SEC13: variants seen among roughly 807,000 people sequenced by gnomAD.
SEC13 encodes the protein protein SEC13 homolog.
In SEC13, 25 loss-of-function variants were observed where a neutral mutation model predicts 49.2. That is an observed-to-expected ratio of 0.51 (90% CI 0.37 to 0.71). The LOEUF (loss-of-function observed/expected upper bound fraction) is 0.71, where lower values mean the gene tolerates loss of function less well. Ranked by LOEUF, SEC13 falls within the 30% of genes least tolerant of loss-of-function variation. The probability of loss-of-function intolerance (pLI) is 0.00; values close to 1 mark genes in which losing one functional copy is unlikely to be tolerated. For missense variants in SEC13, 383 were observed against 417.6 expected (o/e 0.92, Z 0.72); for synonymous variants, 148 against 163.9 (o/e 0.90, Z 0.74).
intron 2 of SEC13, among the ~76,000 whole-genome samples, chr3:10,317,741 G>A (rs964841351): frequency 1.3e-5 from 2 of 152,092 alleles, no homozygotes; most frequent in Non-Finnish European, 2.9e-5. Context: ...TCAAGCCTCC[G>A]TACCCACTCA....
At position 10,305,590 on chromosome 3, in the gene SEC13, CTGATGCAAACCTCT is replaced by C; in HGVS notation, c.539_552del (p.Lys180ArgfsTer4). 3 of 1,614,172 alleles carry C rather than the reference CTGATGCAAACCTCT, an allele frequency of 1.9e-6. No homozygotes were observed. The highest frequency in any genetic ancestry group is 2.5e-6 in the Non-Finnish European group (3 of 1,180,032). ...AGCTTGATGAGGTTGTCACAGCCAC[CTGATGCAAACCTCT>C]TGATGTAATTGGGTTTCTGCCCCGA... is the stretch of plus-strand genomic sequence containing the variant. On this transcript the variant is annotated frameshift_variant, in exon 6 of 9. Coordinates refer to ENST00000350697, the MANE Select transcript of SEC13 (RefSeq NM_183352.3). LOFTEE classifies it high-confidence loss of function.
intron 2 of SEC13, among the ~76,000 whole-genome samples, chr3:10,317,779 T>C (rs569579191): frequency 6.6e-6 from 1 of 152,292 alleles, no homozygotes; most frequent in East Asian, 1.9e-4. Flanking sequence ...GGTTATTGTA[T>C]TGGCTGGAAG....
chr3:10,320,832 G>A lies in SEC13; in HGVS notation c.3+218C>T, dbSNP rs547275166. The A allele has an allele frequency of 2.3e-5, 30 of 1,320,730 alleles. No individual in the cohort carries two copies. The African/African-American group carries it at 4.3e-4, about 19-fold the overall frequency. The allele number at this position is 1,320,730 out of a possible 1,614,324, so 81.8% of individuals were successfully genotyped here. A position where few individuals can be genotyped will look rare whatever the true frequency, so the allele number is the denominator to read the frequency against. On this transcript the variant is annotated intron_variant, in intron 1 of 8. Transcript: ENST00000350697. Reference sequence around the variant, plus strand: ...GGAGACTGGCAGGAGACGCAGGAGCGGCGCGCCCCGCAAAGTCAGGGAGGT... The same window carrying A: ...GGAGACTGGCAGGAGACGCAGGAGCAGCGCGCCCCGCAAAGTCAGGGAGGT...
rs1032441181 is a variant in SEC13 at position 10,320,936 on chromosome 3, G to T, written c.3+114C>A. 7 of 1,541,110 alleles carry T rather than the reference G, an allele frequency of 4.5e-6. No homozygotes were observed. In the African/African-American group the frequency reaches 8.5e-5, roughly 19 times the overall value. ...GAGCCCCCCAAATCTCTAAGCGGTG[G>T]AGGGGAGCTGAACGGCTCCAGCTTG... is the stretch of plus-strand genomic sequence containing the variant. On this transcript the variant is annotated intron_variant, in intron 1 of 8. Coordinates refer to ENST00000350697, the MANE Select transcript of SEC13 (RefSeq NM_183352.3).
intron 5 of SEC13, among the ~76,000 whole-genome samples, chr3:10,308,786 G>A (rs908650137): frequency 1.6e-5 from 2 of 125,714 alleles, no homozygotes; most frequent in African/African-American, 6.4e-5. Flanking sequence ...GTGATGCTGA[G>A]TTGAATTTTT....
intron 6 of SEC13, 31 bp from the exon 7 acceptor site, chr3:10,305,187 G>A (rs771618699): frequency 6.3e-7 from 1 of 1,585,964 alleles, no homozygotes; most frequent in African/African-American, 1.3e-5. Context: ...AGAATCAGCA[G>A]GGGGCCGTTC....
Position 10,311,965 on chromosome 3 carries a change from G to A in SEC13, c.450C>T (p.Thr150=), listed in dbSNP as rs375092557. 33 of 1,614,082 alleles carry A rather than the reference G, an allele frequency of 2.0e-5. No homozygotes were observed. The highest frequency in any genetic ancestry group is 2.6e-5 in the Non-Finnish European group (31 of 1,180,038). The change falls in exon 5 of 9, where the codon ACC becomes ACT. Residue 150 remains threonine, a splice_region_variant and synonymous_variant. Transcript: ENST00000350697. ...CACGAAAGGCAGGGGATGGACTCAC[G>A]GTGTGAGCGTTGTTGATCTTCTTTA... ...WEVKKINNAH[T]IGCNAVSWAP...
At position 10,318,110 on chromosome 3, in the gene SEC13, T is replaced by C; in HGVS notation, c.4-16A>G. The C allele has an allele frequency of 6.3e-7, 1 of 1,581,926 alleles. No individual in the cohort carries two copies. The highest frequency in any genetic ancestry group is 8.7e-7 in the Non-Finnish European group (1 of 1,151,044). On this transcript the variant is annotated splice_polypyrimidine_tract_variant and intron_variant, in intron 1 of 8. Coordinates refer to ENST00000350697, the MANE Select transcript of SEC13 (RefSeq NM_183352.3). ...TTACTGACACCTAGAACCAAAGATA[T>C]CACTGGTAAATTAACTCATGGCAGT...
intron 5 of SEC13, among the ~76,000 whole-genome samples, chr3:10,311,058 G>C (rs1397704109): frequency 6.6e-6 from 1 of 151,806 alleles, no homozygotes; most frequent in African/African-American, 2.4e-5. Flanking sequence ...CCCAGCGGGG[G>C]CCCCTGCCTG....
chr3:10,316,403 G>A (rs1701607243), intron 2 of SEC13, among the ~76,000 whole-genome samples: 1 of 152,076 alleles, frequency 6.6e-6, no homozygotes, highest in Non-Finnish European at 1.5e-5. Context: ...CCTACGCAAG[G>A]AACACATCCT....
At chr3:10,313,408 C>G (rs777272727) in intron 3 of SEC13, 1 of 530,334 alleles carries the variant, frequency 1.9e-6, no homozygotes, top group Admixed American at 1.9e-5. Flanking sequence ...TAGCTCTTGA[C>G]TTTAGGCAAG....
chr3:10,307,607 T>G (rs755378020), intron 5 of SEC13, among the ~76,000 whole-genome samples: 1 of 152,130 alleles, frequency 6.6e-6, no homozygotes, highest in Non-Finnish European at 1.5e-5. Flanking sequence ...CTCCCCTTCA[T>G]AAAACCATCA....
In SEC13 at chr3:10,301,109, A is replaced by C; in HGVS notation, c.*152T>G. On this transcript the variant is annotated 3_prime_UTR_variant, in exon 9 of 9. Coordinates refer to ENST00000350697, the MANE Select transcript of SEC13 (RefSeq NM_183352.3). ...TTACAAAGCATCTCCGATCACGTTA[A>C]GGCAGATGATCAATCTGTGGCTGCA... 6.2e-7 allele frequency: 1 copy of C among 1,613,560 alleles called. No homozygotes were observed.
chr3:10,305,427 G>A (rs1700811068), intron 6 of SEC13, 132 bp downstream of exon 6: 1 of 1,229,074 alleles, frequency 8.1e-7, no homozygotes, highest in Non-Finnish European at 1.2e-6. Context: ...CCAACAGATT[G>A]AAAACAGTAT....
intron 5 of SEC13, among the ~76,000 whole-genome samples, chr3:10,306,339 CTG>C (rs1700875499): frequency 6.6e-6 from 1 of 152,154 alleles, no homozygotes; most frequent in African/African-American, 2.4e-5. Context: ...TTCCTGAAAA[CTG>C]TCAGCTGGAG....
At chr3:10,320,818 G>A (rs1357161734) in intron 1 of SEC13, 2 of 1,327,896 alleles carry the variant, frequency 1.5e-6, no homozygotes, top group East Asian at 3.0e-5. Flanking sequence ...GAGACTGGCA[G>A]GAGACGCAGG....
Position 10,313,259 on chromosome 3 carries a change from T to G in SEC13, c.165-529A>C, listed in dbSNP as rs999834958. On this transcript the variant is annotated intron_variant, in intron 3 of 8. Coordinates refer to ENST00000350697, the MANE Select transcript of SEC13 (RefSeq NM_183352.3). Reference sequence around the variant, plus strand: ...TCCATTCACCTGATAACAGGTGCTATCTGAGCACATGCTCTGTGCCAGGCT... The same window carrying G: ...TCCATTCACCTGATAACAGGTGCTAGCTGAGCACATGCTCTGTGCCAGGCT... 3 of 273,842 alleles carry G rather than the reference T, an allele frequency of 1.1e-5. No individual in the cohort carries two copies. The Admixed American group carries it at 1.2e-4, about 11-fold the overall frequency. The allele number at this position is 273,842 out of a possible 1,614,324, so 17.0% of individuals were successfully genotyped here.
intron 8 of SEC13, 129 bp from the exon 9 acceptor site, chr3:10,301,503 C>T (rs1700510686): frequency 1.7e-6 from 2 of 1,198,592 alleles, no homozygotes; most frequent in Non-Finnish European, 1.2e-6. Context: ...CATGTCCCTC[C>T]TCCACTGAAA....
At chr3:10,314,647 C>T (rs1701489678) in intron 3 of SEC13, among the ~76,000 whole-genome samples, 1 of 152,172 alleles carries the variant, frequency 6.6e-6, no homozygotes, top group African/African-American at 2.4e-5. Flanking sequence ...CAGGCAAACC[C>T]ACAAATACGT....
Sources: gnomAD v4.1 joint callset for allele counts (sites outside exome capture counted in the v4.1 genomes callset) on GRCh38, gnomAD v4.1.1 for gene constraint, MANE v1.5 for transcripts, NCBI Gene and HGNC (gene_info 2026-07-23, HGNC 2026-07-21) for gene names.